ASH1L: variants seen among roughly 807,000 people sequenced by gnomAD.
ASH1L encodes the protein ASH1 like histone lysine methyltransferase.
ASH1L carries 23 observed loss-of-function variants against 269.0 expected under a neutral mutation model. The observed-to-expected ratio is 0.09, with a 90% CI of 0.06 to 0.12. ASH1L has a LOEUF of 0.12. Ranked by LOEUF, ASH1L falls within the 10% of genes least tolerant of loss-of-function variation. ASH1L has a pLI of 1.00. For synonymous variants in ASH1L, 1,187 were observed against 1,253.5 expected (o/e 0.95, Z 1.12); for missense variants, 2,912 against 3,567.8 (o/e 0.82, Z 4.68).
At chr1:155,433,099 T>C in intron 5 of ASH1L, 2 of 1,332,244 alleles carry the variant, frequency 1.5e-6, no homozygotes, top group East Asian at 2.5e-5. Context: ...ATGACAGAGA[T>C]ACCAAAATAG....
At chr1:155,359,515 T>C (rs1485133947) in intron 13 of ASH1L, among the ~76,000 whole-genome samples, 1 of 152,212 alleles carries the variant, frequency 6.6e-6, no homozygotes, top group Non-Finnish European at 1.5e-5. Flanking sequence ...GACCTTGTGA[T>C]CTGCCTGCCT....
At chr1:155,475,146 C>CTTT (rs772513051) in intron 3 of ASH1L, among the ~76,000 whole-genome samples, 10 of 151,198 alleles carry the variant, frequency 6.6e-5, no homozygotes, top group Non-Finnish European at 1.5e-4. Context: ...TTCACTGTGG[C>CTTT]TTTTTTTTTA....
intron 1 of ASH1L, among the ~76,000 whole-genome samples, chr1:155,550,459 T>C (rs1276322823): frequency 6.6e-6 from 1 of 152,210 alleles, no homozygotes; most frequent in Non-Finnish European, 1.5e-5. Flanking sequence ...CCCTATGTTA[T>C]CTGGTCCCTG....
intron 8 of ASH1L, among the ~76,000 whole-genome samples, chr1:155,379,823 G>C (rs951805859): frequency 6.6e-6 from 1 of 152,160 alleles, no homozygotes; most frequent in African/African-American, 2.4e-5. Flanking sequence ...GGTTGCCTAG[G>C]AAAGCAGGAA....
intron 3 of ASH1L, among the ~76,000 whole-genome samples, chr1:155,469,939 C>T (rs1334355809): frequency 1.3e-5 from 2 of 152,200 alleles, no homozygotes; most frequent in African/African-American, 4.8e-5. Flanking sequence ...TATGATCTGC[C>T]TATCTTTCCA....
At chr1:155,496,603 C>A (rs1667171545) in intron 2 of ASH1L, among the ~76,000 whole-genome samples, 1 of 152,164 alleles carries the variant, frequency 6.6e-6, no homozygotes, top group Non-Finnish European at 1.5e-5. Flanking sequence ...ACTAAATCCT[C>A]ACGTATACAC....
intron 6 of ASH1L, among the ~76,000 whole-genome samples, chr1:155,408,068 T>C (rs1299259965): frequency 6.6e-6 from 1 of 152,204 alleles, no homozygotes; most frequent in Admixed American, 6.5e-5. Context: ...AAGCAGACTG[T>C]CTTTGTTGAA....
chr1:155,424,815 T>A (rs537651223), intron 5 of ASH1L, among the ~76,000 whole-genome samples: 4 of 152,160 alleles, frequency 2.6e-5, no homozygotes, highest in African/African-American at 9.7e-5. Flanking sequence ...AAATTTTAAC[T>A]TTTTATTTGA....
At chr1:155,397,797 G>C (rs1453825236) in intron 6 of ASH1L, among the ~76,000 whole-genome samples, 1 of 152,098 alleles carries the variant, frequency 6.6e-6, no homozygotes, top group Admixed American at 6.6e-5. Flanking sequence ...CCTGACCTCA[G>C]GTGATCCACT....
At chr1:155,554,148 G>A (rs1004122570) in intron 1 of ASH1L, among the ~76,000 whole-genome samples, 13 of 151,332 alleles carry the variant, frequency 8.6e-5, no homozygotes, top group African/African-American at 2.4e-4. Flanking sequence ...AGAGTGGTGC[G>A]ATTACAGTTT....
intron 3 of ASH1L, among the ~76,000 whole-genome samples, chr1:155,476,661 C>T (rs1427895819): frequency 6.6e-6 from 1 of 151,586 alleles, no homozygotes; most frequent in East Asian, 2.0e-4. Context: ...ACGCCATTCT[C>T]CTGCCTCAGC....
At chr1:155,426,290 G>A (rs1163364028) in intron 5 of ASH1L, among the ~76,000 whole-genome samples, 3 of 151,540 alleles carry the variant, frequency 2.0e-5, no homozygotes, top group Non-Finnish European at 4.4e-5. Context: ...GGCTGGTCTC[G>A]AACTCCTGAG....
At chr1:155,475,353 C>T (rs1053200956) in intron 3 of ASH1L, among the ~76,000 whole-genome samples, 18 of 152,058 alleles carry the variant, frequency 1.2e-4, no homozygotes, top group African/African-American at 4.1e-4. Flanking sequence ...GCCAGCTGGC[C>T]TCAAACTCCT....
intron 5 of ASH1L, among the ~76,000 whole-genome samples, chr1:155,428,486 A>G (rs1661346438): frequency 6.6e-6 from 1 of 152,112 alleles, no homozygotes; most frequent in East Asian, 1.9e-4. Flanking sequence ...AGGCCCCCCA[A>G]AATCTGGCCA....
At chr1:155,344,714 A>C (rs564153513) in intron 21 of ASH1L, 114 of 157,700 alleles carry the variant, frequency 7.2e-4, no homozygotes, top group Middle Eastern at 3.3e-3. Context: ...CTTTTTTTAA[A>C]AATGACTTGC....
intron 1 of ASH1L, among the ~76,000 whole-genome samples, chr1:155,530,233 T>C (rs1181632500): frequency 6.6e-6 from 1 of 152,202 alleles, no homozygotes; most frequent in Non-Finnish European, 1.5e-5. Context: ...ATACTCTTCT[T>C]ACCACCTGGT....
At chr1:155,477,296 G>T (rs1370366409) in intron 3 of ASH1L, among the ~76,000 whole-genome samples, 1 of 152,012 alleles carries the variant, frequency 6.6e-6, no homozygotes, top group South Asian at 2.1e-4. Context: ...CTATCTAATT[G>T]AAGCAGCTTT....
chr1:155,459,464 G>A (rs1664129501), intron 4 of ASH1L, among the ~76,000 whole-genome samples: 1 of 152,162 alleles, frequency 6.6e-6, no homozygotes, highest in Non-Finnish European at 1.5e-5. Flanking sequence ...CCAAAGTGCT[G>A]GGATTATAGG....
intron 1 of ASH1L, among the ~76,000 whole-genome samples, chr1:155,542,638 C>T (rs980306899): frequency 6.6e-6 from 1 of 151,728 alleles, no homozygotes; most frequent in Non-Finnish European, 1.5e-5. Context: ...AACAAAAGAG[C>T]CACTTCTAAG....
Sources: gnomAD v4.1 joint callset for allele counts (sites outside exome capture counted in the v4.1 genomes callset) on GRCh38, gnomAD v4.1.1 for gene constraint, MANE v1.5 for transcripts, NCBI Gene and HGNC (gene_info 2026-07-23, HGNC 2026-07-21) for gene names.